DKK2: variants seen among roughly 807,000 people sequenced by gnomAD.
The protein encoded by DKK2 is dickkopf Wnt signaling pathway inhibitor 2.
A neutral mutation model predicts 28.1 loss-of-function variants in DKK2; 11 were observed. The ratio of observed to expected loss-of-function variants is 0.39; its 90% CI spans 0.25 to 0.65. The LOEUF is 0.65. DKK2 is among the 30% of genes least tolerant of loss of function. DKK2 has a pLI of 0.47. For missense variants in DKK2, 326 were observed against 335.5 expected, an observed-to-expected ratio of 0.97 and a Z score of 0.22; for synonymous variants, 135 against 126.5, an observed-to-expected ratio of 1.07 and a Z score of -0.45.
chr4:106,995,532 A>T (rs541666183), intron 1 of DKK2, among the ~76,000 whole-genome samples: 5 of 152,348 alleles, frequency 3.3e-5, no homozygotes, highest in African/African-American at 1.2e-4. Flanking sequence ...GAATTACATA[A>T]TCTTACATAA....
At chr4:107,000,641 A>G (rs1723345563) in intron 1 of DKK2, among the ~76,000 whole-genome samples, 1 of 152,192 alleles carries the variant, frequency 6.6e-6, no homozygotes, top group Admixed American at 6.5e-5. Flanking sequence ...AGATTTCCAA[A>G]GTTGTGGCAC....
At chr4:106,971,166 G>A (rs1722863025) in intron 1 of DKK2, among the ~76,000 whole-genome samples, 1 of 151,928 alleles carries the variant, frequency 6.6e-6, no homozygotes, top group South Asian at 2.1e-4. Context: ...TCTGTTATTT[G>A]GGTTACTTTG....
intron 1 of DKK2, among the ~76,000 whole-genome samples, chr4:106,953,849 T>C (rs1281476279): frequency 6.6e-6 from 1 of 152,204 alleles, no homozygotes; most frequent in Non-Finnish European, 1.5e-5. Flanking sequence ...ATTCATTTAC[T>C]TTATAATTCT....
At chr4:106,956,007 G>A (rs149284829) in intron 1 of DKK2, among the ~76,000 whole-genome samples, 1,638 of 152,084 alleles carry the variant, frequency 0.011, 22 homozygotes, top group Non-Finnish European at 0.018. Flanking sequence ...TTTCCCTAAG[G>A]GTAACTAGGT....
At chr4:106,986,503 A>T (rs189552965) in intron 1 of DKK2, among the ~76,000 whole-genome samples, 3 of 152,326 alleles carry the variant, frequency 2.0e-5, no homozygotes, top group Non-Finnish European at 2.9e-5. Context: ...CAAAGTGCTA[A>T]ATATATAATC....
chr4:106,940,799 G>T (rs190424210), intron 1 of DKK2, among the ~76,000 whole-genome samples: 21 of 152,308 alleles, frequency 1.4e-4, no homozygotes, highest in Middle Eastern at 6.8e-3. Flanking sequence ...ATGGGTTCAT[G>T]TCCTTTGTAA....
rs1724371421 is a variant in DKK2, at chr4:106,923,073, A to G, written c.*881T>C. The G allele has an allele frequency of 6.6e-6, 1 of 152,112 alleles. No homozygotes were observed. The highest frequency in any genetic ancestry group is 1.5e-5 in the Non-Finnish European group (1 of 68,012). 9.4% of individuals were successfully genotyped at this position (152,112 alleles called of 1,614,324 possible). A position where few individuals can be genotyped will look rare whatever the true frequency, so the allele number is the denominator to read the frequency against. ...TTCCCACATATATTGGACATCTTTA[A>G]ATTTTTTTGCCATCTGTGAAAATTC... is the stretch of plus-strand genomic sequence containing the variant. On this transcript the variant is annotated 3_prime_UTR_variant, in exon 4 of 4. Coordinates refer to ENST00000285311, the MANE Select transcript of DKK2 (RefSeq NM_014421.3).
intron 1 of DKK2, among the ~76,000 whole-genome samples, chr4:106,946,937 T>A (rs1724785843): frequency 1.3e-5 from 2 of 152,088 alleles, no homozygotes; most frequent in African/African-American, 2.4e-5. Flanking sequence ...GATCCATTGA[T>A]GATTTACCAA....
intron 1 of DKK2, among the ~76,000 whole-genome samples, chr4:106,997,464 G>A (rs17037190): frequency 0.021 from 3,126 of 151,872 alleles, 118 homozygotes; most frequent in African/African-American, 0.072. Flanking sequence ...TGCAATATGC[G>A]AATAGATTCA....
chr4:106,959,428 T>A (rs1722654028), intron 1 of DKK2, among the ~76,000 whole-genome samples: 1 of 152,122 alleles, frequency 6.6e-6, no homozygotes, highest in Non-Finnish European at 1.5e-5. Flanking sequence ...TTCCCTTTCA[T>A]GTAAATATTT....
intron 1 of DKK2, among the ~76,000 whole-genome samples, chr4:106,993,470 C>G (rs914231235): frequency 3.9e-5 from 6 of 152,118 alleles, no homozygotes; most frequent in African/African-American, 1.4e-4. Context: ...AGACCAATTT[C>G]CATTACAACT....
chr4:106,995,312 T>A (rs1324824369), intron 1 of DKK2, among the ~76,000 whole-genome samples: 1 of 152,176 alleles, frequency 6.6e-6, no homozygotes, highest in African/African-American at 2.4e-5. Flanking sequence ...CACGACTTTC[T>A]ATAAAATTTA....
At chr4:106,991,702 C>T (rs559773663) in intron 1 of DKK2, among the ~76,000 whole-genome samples, 6 of 152,148 alleles carry the variant, frequency 3.9e-5, no homozygotes, top group East Asian at 1.9e-4. Context: ...CCAACACATA[C>T]GCATACACAC....
chr4:106,956,439 G>T (rs560659658), intron 1 of DKK2, among the ~76,000 whole-genome samples: 1 of 152,096 alleles, frequency 6.6e-6, no homozygotes, highest in Admixed American at 6.6e-5. Context: ...AGCCTGCATC[G>T]CCAAGTCAAT....
chr4:107,030,196 C>G (rs1723855377), intron 1 of DKK2, among the ~76,000 whole-genome samples: 1 of 152,048 alleles, frequency 6.6e-6, no homozygotes, highest in Non-Finnish European at 1.5e-5. Context: ...CTACCAAATG[C>G]TGTATCGACT....
intron 1 of DKK2, among the ~76,000 whole-genome samples, chr4:107,020,819 A>G (rs1383870344): frequency 6.6e-6 from 1 of 152,050 alleles, no homozygotes; most frequent in African/African-American, 2.4e-5. Context: ...ACATGAAGTA[A>G]CATGTGCCAC....
intron 1 of DKK2, among the ~76,000 whole-genome samples, chr4:106,940,994 A>G (rs1038924594): frequency 3.9e-5 from 6 of 152,020 alleles, no homozygotes; most frequent in African/African-American, 1.5e-4. Context: ...GCATTGGGAG[A>G]TACACCTAAT....
At chr4:106,940,974 G>A (rs1578350560) in intron 1 of DKK2, among the ~76,000 whole-genome samples, 1 of 152,038 alleles carries the variant, frequency 6.6e-6, no homozygotes, top group South Asian at 2.1e-4. Flanking sequence ...GGGGTGAGGG[G>A]GGAGGGATAG....
chr4:106,947,678 T>C (rs979100433), intron 1 of DKK2, among the ~76,000 whole-genome samples: 7 of 150,178 alleles, frequency 4.7e-5, no homozygotes, highest in African/African-American at 9.7e-5. Flanking sequence ...TTTCTTTCTT[T>C]TTTTTTTTTT....
Sources: gnomAD v4.1 joint callset for allele counts (sites outside exome capture counted in the v4.1 genomes callset) on GRCh38, gnomAD v4.1.1 for gene constraint, MANE v1.5 for transcripts, NCBI Gene and HGNC (gene_info 2026-07-23, HGNC 2026-07-21) for gene names.